Variants in GALNT18 observed in about 807,000 individuals in gnomAD.
GALNT18 encodes the protein polypeptide N-acetylgalactosaminyltransferase 18.
In GALNT18, 44 loss-of-function variants were observed where a neutral mutation model predicts 69.5. That is an observed-to-expected ratio of 0.63 (90% CI 0.50 to 0.81). The LOEUF (loss-of-function observed/expected upper bound fraction) is 0.81. Among genes scored for constraint, GALNT18 ranks in the 40% least tolerant of loss-of-function variants. The probability of loss-of-function intolerance (pLI) is 0.00; values close to 1 mark genes in which losing one functional copy is unlikely to be tolerated. For synonymous variants in GALNT18, 364 were observed against 318.2 expected (o/e 1.14, Z -1.53); for missense variants, 715 against 810.0 (o/e 0.88, Z 1.42).
chr11:11,361,364 A>G (rs1850642472), intron 6 of GALNT18, among the ~76,000 whole-genome samples: 1 of 152,196 alleles, frequency 6.6e-6, no homozygotes, highest in South Asian at 2.1e-4. Context: ...GCTTCAGTAT[A>G]TCCATCTGTA....
intron 2 of GALNT18, among the ~76,000 whole-genome samples, chr11:11,441,229 T>C (rs1855525910): frequency 6.6e-6 from 1 of 152,248 alleles, no homozygotes; most frequent in South Asian, 2.1e-4. Flanking sequence ...ACGAAATTAA[T>C]ATTAACCAGA....
chr11:11,500,819 G>A lies in GALNT18; in HGVS notation c.236-51883C>T, dbSNP rs769652063. Among the ~76,000 whole-genome samples, 7 of 152,086 alleles carry A rather than the reference G, an allele frequency of 4.6e-5. No individual in the cohort carries two copies. Among genetic ancestry groups the A allele is most frequent in the African/African-American group, 7.2e-5 (3 of 41,396 alleles). On this transcript the variant is annotated intron_variant, in intron 1 of 10. Transcript: ENST00000227756. The surrounding 1 kb of genome is among the most constrained non-coding windows in gnomAD (Gnocchi z 5.0). ...TACAAATAAAGAAGGTAAAAAGGCC[G>A]GGCACAGCACCAGGCTCTCCCCAAA...
intron 6 of GALNT18, among the ~76,000 whole-genome samples, chr11:11,360,818 A>G (rs1850628782): frequency 6.6e-6 from 1 of 151,800 alleles, no homozygotes; most frequent in African/African-American, 2.4e-5. Context: ...GATTGTCTTT[A>G]CCATTACTCA....
chr11:11,473,952 C>T (rs1488652688), intron 1 of GALNT18, among the ~76,000 whole-genome samples: 1 of 152,146 alleles, frequency 6.6e-6, no homozygotes, highest in East Asian at 1.9e-4. Context: ...GTAATCCCAG[C>T]TACTTGGGAG....
At chr11:11,452,375 G>A (rs11827599) in intron 1 of GALNT18, among the ~76,000 whole-genome samples, 3,755 of 152,308 alleles carry the variant, frequency 0.025, 156 homozygotes, top group African/African-American at 0.086. Context: ...TAAATGAGAT[G>A]GTCAGGTAAG....
chr11:11,479,588 G>GTT (rs35949580), intron 1 of GALNT18, among the ~76,000 whole-genome samples: 8 of 151,964 alleles, frequency 5.3e-5, no homozygotes, highest in South Asian at 2.1e-4. Flanking sequence ...ACTATTTGAG[G>GTT]TTTTTTAACT....
Position 11,379,075 on chromosome 11 carries a change from A to G in GALNT18, c.779+6T>C, listed in dbSNP as rs1853844052. ...GACTCCTCCTCCTCTCCCAAGGGGC[A>G]CTTACCAGCCCACATTGAACTCCAC... On this transcript the variant is annotated splice_donor_region_variant and intron_variant, in intron 4 of 10. Coordinates refer to ENST00000227756, the MANE Select transcript of GALNT18 (RefSeq NM_198516.3). 6.3e-7 allele frequency: 1 copy of G among 1,586,374 alleles called. No individual in the cohort carries two copies. Among genetic ancestry groups the G allele is most frequent in the East Asian group, 2.2e-5 (1 of 44,608 alleles).
chr11:11,525,249 G>C (rs1030650395), intron 1 of GALNT18, among the ~76,000 whole-genome samples: 5 of 152,048 alleles, frequency 3.3e-5, no homozygotes, highest in Non-Finnish European at 7.4e-5. Flanking sequence ...TCACTCTCAA[G>C]GAAACGCGAA....
Position 11,483,241 on chromosome 11 carries a change from C to T in GALNT18, c.236-34305G>A, listed in dbSNP as rs905007474. Among the ~76,000 whole-genome samples the T allele has an allele frequency of 3.9e-5, 6 of 152,238 alleles. No homozygotes were observed. In the East Asian group the frequency reaches 1.2e-3, roughly 29 times the overall value. On this transcript the variant is annotated intron_variant, in intron 1 of 10. Coordinates refer to ENST00000227756, the MANE Select transcript of GALNT18 (RefSeq NM_198516.3). ...CTTTGCCAGCTCTACTCTTAGCCTG[C>T]TAAAATTCAGCTCTAGGGCTCCCTT...
chr11:11,577,997 G>T (rs568652204), intron 1 of GALNT18, among the ~76,000 whole-genome samples: 1 of 106,306 alleles, frequency 9.4e-6, no homozygotes, highest in South Asian at 3.4e-4. Flanking sequence ...CTGTCCCCAG[G>T]ACCCTTCCCT....
chr11:11,291,544 T>C (rs1849297548), intron 10 of GALNT18, among the ~76,000 whole-genome samples: 1 of 149,718 alleles, frequency 6.7e-6, no homozygotes. Flanking sequence ...ACAGCACATG[T>C]CAAAGGTTAC....
At chr11:11,532,520 T>A (rs184929661) in intron 1 of GALNT18, among the ~76,000 whole-genome samples, 131 of 152,250 alleles carry the variant, frequency 8.6e-4, no homozygotes, top group Middle Eastern at 3.4e-3. Context: ...GGGCACTCAA[T>A]CAATGCTCAT....
At position 11,396,611 on chromosome 11, in the gene GALNT18, C is replaced by T. The variant is rs1367136849; in HGVS notation, c.596-17347G>A. Among the ~76,000 whole-genome samples the T allele has an allele frequency of 6.6e-6, 1 of 152,112 alleles. No homozygotes were observed. The highest frequency in any genetic ancestry group is 1.9e-4 in the East Asian group (1 of 5,184). On this transcript the variant is annotated intron_variant, in intron 3 of 10. Transcript: ENST00000227756. This position sits in a 1 kb window ranked among gnomAD's most constrained non-coding sequence, Gnocchi z 5.2. ...ATCTCATGGCAATTGCAAAGATTTGCACGCGGGACTCCAGTCTGGGGCAAT... is the reference window on the plus strand; with the variant it reads ...ATCTCATGGCAATTGCAAAGATTTGTACGCGGGACTCCAGTCTGGGGCAAT...
chr11:11,281,816 T>TG (rs1269294166), intron 10 of GALNT18, among the ~76,000 whole-genome samples: 3 of 151,708 alleles, frequency 2.0e-5, no homozygotes, highest in Non-Finnish European at 4.4e-5. Flanking sequence ...AGAGTGGGGT[T>TG]GGGGGAGGCG....
intron 1 of GALNT18, among the ~76,000 whole-genome samples, chr11:11,566,985 C>A (rs1407036150): frequency 6.6e-6 from 1 of 152,152 alleles, no homozygotes; most frequent in African/African-American, 2.4e-5. Flanking sequence ...CCTGCTTAGG[C>A]CTCTTTTTGC....
chr11:11,550,865 A>G (rs573987580), intron 1 of GALNT18, among the ~76,000 whole-genome samples: 3 of 152,224 alleles, frequency 2.0e-5, no homozygotes, highest in African/African-American at 4.8e-5. Flanking sequence ...CATCCTGAAT[A>G]TTGTAGTTCC....
At chr11:11,498,978 T>C (rs569376915) in intron 1 of GALNT18, among the ~76,000 whole-genome samples, 1 of 152,340 alleles carries the variant, frequency 6.6e-6, no homozygotes, top group South Asian at 2.1e-4. Flanking sequence ...TGTCCATAAA[T>C]AATATTTCAC....
intron 10 of GALNT18, among the ~76,000 whole-genome samples, chr11:11,284,908 G>GTTTTTTTTTTTTTTTTTTTTTT (rs58795517): frequency 4.8e-5 from 4 of 82,822 alleles, no homozygotes; most frequent in African/African-American, 1.8e-4. Context: ...AGACTTTCGT[G>GTTTTTTTTTTTTTTTTTTTTTT]TTTTTTTTTT....
intron 3 of GALNT18, among the ~76,000 whole-genome samples, chr11:11,398,184 G>A (rs867254002): frequency 1.3e-5 from 2 of 152,178 alleles, no homozygotes; most frequent in Non-Finnish European, 2.9e-5. Context: ...AGTAGCAGAG[G>A]CTTGATTCAA....
Sources: allele counts gnomAD v4.1 joint callset (sites outside exome capture counted in the v4.1 genomes callset), GRCh38; gene constraint gnomAD v4.1.1; non-coding constraint Gnocchi (gnomAD v3.1); transcripts MANE v1.5; gene names NCBI Gene and HGNC (gene_info 2026-07-23, HGNC 2026-07-21).